Variants in CCDC7 observed in about 807,000 individuals in gnomAD.
CCDC7 encodes coiled-coil domain-containing protein 7.
A neutral mutation model predicts 196.9 loss-of-function variants in CCDC7; 183 were observed. The ratio of observed to expected loss-of-function variants is 0.93; its 90% CI spans 0.82 to 1.05. The LOEUF is 1.05. Among genes scored for constraint, CCDC7 ranks in the 50% least tolerant of loss-of-function variants. The pLI is 0.00. For synonymous variants in CCDC7, 525 were observed against 484.6 expected (o/e 1.08, Z -1.10); for missense variants, 1,540 against 1,482.2 (o/e 1.04, Z -0.64).
intron 25 of CCDC7, among the ~76,000 whole-genome samples, chr10:32,723,290 C>A (rs4747786): frequency 0.14 from 21,058 of 152,108 alleles, 1,766 homozygotes; most frequent in East Asian, 0.25. Flanking sequence ...GCTATCTGTG[C>A]AGCAGCTACT....
chr10:32,601,358 A>T (rs2060979318), intron 18 of CCDC7, among the ~76,000 whole-genome samples: 1 of 152,332 alleles, frequency 6.6e-6, no homozygotes, highest in South Asian at 2.1e-4. Flanking sequence ...GGCATGAGCT[A>T]CCACACCCGG....
At chr10:32,811,487 G>C (rs978390776) in intron 30 of CCDC7, among the ~76,000 whole-genome samples, 5 of 152,018 alleles carry the variant, frequency 3.3e-5, no homozygotes, top group African/African-American at 1.2e-4. Flanking sequence ...CTACAAACGT[G>C]CTGTTAGATA....
chr10:32,561,277 A>T (rs2055556950), intron 13 of CCDC7, among the ~76,000 whole-genome samples: 1 of 151,900 alleles, frequency 6.6e-6, no homozygotes, highest in South Asian at 2.1e-4. Flanking sequence ...CAGGAATTGA[A>T]CTCAGCTCTG....
intron 18 of CCDC7, among the ~76,000 whole-genome samples, chr10:32,594,539 A>G (rs2096711796): frequency 6.6e-6 from 1 of 152,106 alleles, no homozygotes; most frequent in Non-Finnish European, 1.5e-5. Flanking sequence ...AATACCCTTT[A>G]TTTCTTTCTC....
At chr10:32,563,057 A>G (rs1237874202) in intron 13 of CCDC7, among the ~76,000 whole-genome samples, 7 of 152,172 alleles carry the variant, frequency 4.6e-5, no homozygotes, top group Non-Finnish European at 1.0e-4. Flanking sequence ...CAATTGCTTC[A>G]AAGAGAATAA....
chr10:32,559,630 A>G (rs1031634831), intron 13 of CCDC7, among the ~76,000 whole-genome samples: 2 of 152,222 alleles, frequency 1.3e-5, no homozygotes, highest in African/African-American at 4.8e-5. Flanking sequence ...TAGAAGGAAA[A>G]CTAACAAACA....
intron 33 of CCDC7, among the ~76,000 whole-genome samples, chr10:32,843,802 C>G (rs2093125005): frequency 6.6e-6 from 1 of 151,818 alleles, no homozygotes; most frequent in Non-Finnish European, 1.5e-5. Flanking sequence ...TGCTCATATT[C>G]CCTATTTTTA....
intron 18 of CCDC7, among the ~76,000 whole-genome samples, chr10:32,633,696 A>ATATATATATATGTGTG (rs779341941): frequency 3.0e-5 from 4 of 135,158 alleles, no homozygotes; most frequent in African/African-American, 1.1e-4. Context: ...ATATATATAT[A>ATATATATATATGTGTG]TGTGTGTGTG....
intron 18 of CCDC7, among the ~76,000 whole-genome samples, chr10:32,611,570 T>C (rs2138766176): frequency 6.6e-6 from 1 of 152,344 alleles, no homozygotes; most frequent in South Asian, 2.1e-4. Flanking sequence ...CATTTAAGTC[T>C]TTAATCCATC....
chr10:32,591,452 G>T (rs1316224596), intron 18 of CCDC7, among the ~76,000 whole-genome samples: 1 of 151,832 alleles, frequency 6.6e-6, no homozygotes, highest in African/African-American at 2.4e-5. Flanking sequence ...AGGATTATTG[G>T]CATCAAAATG....
chr10:32,494,858 T>G (rs935890699), intron 9 of CCDC7, among the ~76,000 whole-genome samples: 1 of 152,174 alleles, frequency 6.6e-6, no homozygotes, highest in African/African-American at 2.4e-5. Flanking sequence ...ATAACATATG[T>G]GTGCATGTGT....
At chr10:32,624,702 G>A (rs2063782250) in intron 18 of CCDC7, among the ~76,000 whole-genome samples, 1 of 152,056 alleles carries the variant, frequency 6.6e-6, no homozygotes, top group African/African-American at 2.4e-5. Flanking sequence ...TCCCAACTAC[G>A]TGGAATGAAA....
intron 32 of CCDC7, among the ~76,000 whole-genome samples, chr10:32,827,911 G>T (rs1464605330): frequency 1.3e-5 from 2 of 152,036 alleles, no homozygotes; most frequent in South Asian, 4.2e-4. Context: ...CCCTTTCCAG[G>T]CATTTCCCAG....
chr10:32,636,928 G>A (rs1332540592), intron 20 of CCDC7, among the ~76,000 whole-genome samples: 1 of 152,090 alleles, frequency 6.6e-6, no homozygotes, highest in South Asian at 2.1e-4. Context: ...ATTCTAACTG[G>A]TGTGAGATGG....
chr10:32,792,712 A>G (rs1416229599), intron 29 of CCDC7, among the ~76,000 whole-genome samples: 3 of 152,192 alleles, frequency 2.0e-5, no homozygotes, highest in Non-Finnish European at 4.4e-5. Flanking sequence ...AGGCAGGAGA[A>G]TCACTTGAAC....
intron 29 of CCDC7, among the ~76,000 whole-genome samples, chr10:32,799,062 G>C (rs1469254050): frequency 6.6e-6 from 1 of 152,164 alleles, no homozygotes; most frequent in East Asian, 1.9e-4. Flanking sequence ...ACTTCCATTT[G>C]ATGATGGAAT....
intron 28 of CCDC7, among the ~76,000 whole-genome samples, chr10:32,768,830 A>G (rs1325927886): frequency 6.6e-6 from 1 of 152,060 alleles, no homozygotes; most frequent in Non-Finnish European, 1.5e-5. Flanking sequence ...ATTTATTTGC[A>G]TATATTGAAC....
chr10:32,484,858 G>T (rs998914320), intron 8 of CCDC7, among the ~76,000 whole-genome samples: 1 of 152,096 alleles, frequency 6.6e-6, no homozygotes, highest in Admixed American at 6.6e-5. Context: ...CCACTTGATC[G>T]TGGTGGATAA....
At chr10:32,829,697 A>G (rs1233812565) in intron 32 of CCDC7, among the ~76,000 whole-genome samples, 1 of 151,974 alleles carries the variant, frequency 6.6e-6, no homozygotes, top group Non-Finnish European at 1.5e-5. Context: ...TTGACAAGGG[A>G]TGGACTTATG....
Sources: allele counts gnomAD v4.1 joint callset (sites outside exome capture counted in the v4.1 genomes callset), GRCh38; gene constraint gnomAD v4.1.1; transcripts MANE v1.5; gene names NCBI Gene and HGNC (gene_info 2026-07-23, HGNC 2026-07-21).